Variants in FILIP1L observed in about 807,000 individuals in gnomAD.
FILIP1L encodes filamin A-interacting protein 1-like.
In FILIP1L, 55 loss-of-function variants were observed where a neutral mutation model predicts 96.6. The observed-to-expected ratio is 0.57, with a 90% CI of 0.46 to 0.71. FILIP1L has a LOEUF of 0.71. Ranked by LOEUF, FILIP1L falls within the 30% of genes least tolerant of loss-of-function variation. The pLI is 0.00. For missense variants in FILIP1L, 1,304 were observed against 1,321.2 expected (o/e 0.99, Z 0.20); for synonymous variants, 467 against 473.9 (o/e 0.99, Z 0.19).
chr3:100,049,906 T>TG (rs966145509), intron 1 of FILIP1L, among the ~76,000 whole-genome samples: 5 of 152,144 alleles, frequency 3.3e-5, no homozygotes, highest in African/African-American at 1.2e-4. Context: ...TAGTTAAGTT[T>TG]GGGGGGAGTC....
At chr3:100,043,356 C>G (rs953878582) in intron 1 of FILIP1L, among the ~76,000 whole-genome samples, 1 of 152,192 alleles carries the variant, frequency 6.6e-6, no homozygotes, top group Admixed American at 6.5e-5. Flanking sequence ...TTCTTTTCAG[C>G]TATATTAAAT....
At chr3:99,844,790 A>G (rs2107513070) in intron 5 of FILIP1L, among the ~76,000 whole-genome samples, 1 of 152,246 alleles carries the variant, frequency 6.6e-6, no homozygotes, top group Admixed American at 6.5e-5. Context: ...TGTTCTTGTG[A>G]TACTGAGGGA....
intron 1 of FILIP1L, among the ~76,000 whole-genome samples, chr3:100,103,298 A>G (rs1183705184): frequency 1.3e-5 from 2 of 152,200 alleles, no homozygotes; most frequent in African/African-American, 4.8e-5. Context: ...AGCCAGAAAC[A>G]CACATGCAGA....
At chr3:99,923,539 T>C (rs1193029660) in intron 4 of FILIP1L, among the ~76,000 whole-genome samples, 1 of 152,204 alleles carries the variant, frequency 6.6e-6, no homozygotes, top group African/African-American at 2.4e-5. Context: ...TAATTCATAT[T>C]GACTAAACAT....
intron 1 of FILIP1L, among the ~76,000 whole-genome samples, chr3:100,079,890 A>AT (rs1218724325): frequency 6.6e-6 from 1 of 152,040 alleles, no homozygotes; most frequent in East Asian, 1.9e-4. Flanking sequence ...AGATGTTGGG[A>AT]TTTTTTCTTT....
intron 1 of FILIP1L, among the ~76,000 whole-genome samples, chr3:100,062,148 G>T (rs1188565088): frequency 2.9e-5 from 3 of 103,682 alleles, no homozygotes; most frequent in African/African-American, 3.9e-5. Context: ...GTGTTGCTCT[G>T]TCCCCCAGGC....
intron 1 of FILIP1L, among the ~76,000 whole-genome samples, chr3:99,953,776 G>C (rs904660863): frequency 2.0e-5 from 3 of 152,150 alleles, no homozygotes; most frequent in Non-Finnish European, 2.9e-5. Flanking sequence ...ACAGAGAACT[G>C]CCCAAACAGT....
At chr3:99,914,428 T>A (rs1426928468) in intron 4 of FILIP1L, among the ~76,000 whole-genome samples, 1 of 152,202 alleles carries the variant, frequency 6.6e-6, no homozygotes, top group African/African-American at 2.4e-5. Flanking sequence ...GTTTTTGATA[T>A]GTTAGATTTT....
intron 4 of FILIP1L, among the ~76,000 whole-genome samples, chr3:99,884,731 T>C (rs1202915416): frequency 1.3e-5 from 2 of 152,224 alleles, no homozygotes; most frequent in Non-Finnish European, 2.9e-5. Context: ...TCCCAGCTAT[T>C]GCCTATTGAC....
At chr3:99,980,205 T>C (rs1366581141) in intron 1 of FILIP1L, among the ~76,000 whole-genome samples, 1 of 152,142 alleles carries the variant, frequency 6.6e-6, no homozygotes, top group Non-Finnish European at 1.5e-5. Flanking sequence ...TTTAGCTAAA[T>C]GGTTAAGAGT....
At chr3:99,941,610 G>A (rs527566726) in intron 1 of FILIP1L, among the ~76,000 whole-genome samples, 2 of 152,280 alleles carry the variant, frequency 1.3e-5, no homozygotes, top group Admixed American at 1.3e-4. Context: ...TTTATAATAA[G>A]GGAGATGAAA....
At chr3:100,044,440 G>A (rs2065250006) in intron 1 of FILIP1L, among the ~76,000 whole-genome samples, 1 of 152,202 alleles carries the variant, frequency 6.6e-6, no homozygotes, top group Non-Finnish European at 1.5e-5. Flanking sequence ...CTCAAAGAAT[G>A]AGTAGGAGTT....
chr3:99,903,760 G>A (rs143477058), intron 4 of FILIP1L, among the ~76,000 whole-genome samples: 1,694 of 152,152 alleles, frequency 0.011, 17 homozygotes, highest in African/African-American at 0.024. Flanking sequence ...GATCAGTGAC[G>A]TGGCCCCCAA....
At chr3:100,045,481 AT>A (rs397938246) in intron 1 of FILIP1L, among the ~76,000 whole-genome samples, 5 of 150,344 alleles carry the variant, frequency 3.3e-5, no homozygotes, top group Admixed American at 6.7e-5. Context: ...CTGTGTTAGA[AT>A]TTTTTTTTTG....
At chr3:99,855,121 T>C (rs1460707515) in intron 4 of FILIP1L, among the ~76,000 whole-genome samples, 1 of 152,202 alleles carries the variant, frequency 6.6e-6, no homozygotes, top group Non-Finnish European at 1.5e-5. Flanking sequence ...CTGCCAATTG[T>C]TGTTCATTAT....
At chr3:99,882,545 C>T (rs1705763524) in intron 4 of FILIP1L, among the ~76,000 whole-genome samples, 1 of 152,062 alleles carries the variant, frequency 6.6e-6, no homozygotes, top group Admixed American at 6.6e-5. Flanking sequence ...TATAAGAGGC[C>T]TTAGAAAACA....
At position 99,930,756 on chromosome 3, in the gene FILIP1L, C is replaced by T; in HGVS notation, c.252+13G>A. On this transcript the variant is annotated intron_variant, in intron 2 of 5. Transcript: ENST00000477258. ...GTTTGAAGCATGATGGGGATAACTCCAACCCAGCTGACCTGCAGTTCTCCC... is the reference window on the plus strand; with the variant it reads ...GTTTGAAGCATGATGGGGATAACTCTAACCCAGCTGACCTGCAGTTCTCCC... 6.2e-7 allele frequency: 1 copy of T among 1,612,512 alleles called. No homozygotes were observed. The highest frequency in any genetic ancestry group is 8.5e-7 in the Non-Finnish European group (1 of 1,179,342).
rs190440594 is a variant in FILIP1L, at chr3:99,918,730, T to C, written c.605+5500A>G. Among the ~76,000 whole-genome samples the C allele has an allele frequency of 4.1e-3, 622 of 152,322 alleles. 7 individuals carry two copies. The highest frequency in any genetic ancestry group is 0.013 in the African/African-American group (551 of 41,574). ...GTAATTAATCTCTCTGCATCCCTTT[T>C]CAGATCCTGTGTTAGGTCCAGCATG... On this transcript the variant is annotated intron_variant, in intron 4 of 5. Transcript: ENST00000477258.
At chr3:100,021,523 G>A (rs1188121249) in intron 1 of FILIP1L, among the ~76,000 whole-genome samples, 2 of 152,142 alleles carry the variant, frequency 1.3e-5, no homozygotes, top group African/African-American at 2.4e-5. Context: ...AAATCTGAGT[G>A]CCAGAAAGAA....
Sources: gnomAD v4.1 joint callset for allele counts (sites outside exome capture counted in the v4.1 genomes callset) on GRCh38, gnomAD v4.1.1 for gene constraint, MANE v1.5 for transcripts, NCBI Gene and HGNC (gene_info 2026-07-23, HGNC 2026-07-21) for gene names.